The following SLC35G1 variants were observed in gnomAD, a reference collection of about 807,000 sequenced individuals.
SLC35G1 encodes solute carrier family 35 member G1, also known as partner of STIM1.
In SLC35G1, 10 loss-of-function variants were observed where a neutral mutation model predicts 17.1. The observed-to-expected ratio is 0.59, with a 90% CI of 0.36 to 0.99. The LOEUF is 0.99. SLC35G1 is among the 50% of genes least tolerant of loss of function. SLC35G1 has a pLI of 0.01. For synonymous variants in SLC35G1, 185 were observed against 181.1 expected (o/e 1.02, Z -0.18); for missense variants, 433 against 468.4 (o/e 0.92, Z 0.70).
At chr10:93,908,833 G>A (rs1251936270) in exon 3 of SLC35G1, 2 of 152,206 alleles carry the variant, frequency 1.3e-5, no homozygotes, top group Non-Finnish European at 2.9e-5. Context: ...AAGCAGGAAA[G>A]AATGGAGCTA....
Position 93,894,106 on chromosome 10 carries a change from C to G in SLC35G1, c.73C>G (p.Pro25Ala), listed in dbSNP as rs921046525. ...PGLPLTDDAPPGATEEPAAAE... is the reference protein window; with the variant it reads ...PGLPLTDDAPAGATEEPAAAE... ...GCTGCCGCTAACGGACGATGCACCC[C>G]CGGGCGCCACTGAGGAGCCGGCGGC... The change falls in exon 1 of 3, where the codon CCG becomes GCG. Residue 25 changes from proline to alanine, a missense_variant. Pro to Ala is a conservative substitution (Grantham distance 27, BLOSUM62 -1). Coordinates refer to ENST00000427197, the MANE Select transcript of SLC35G1 (RefSeq NM_001134658.3). The G allele has an allele frequency of 4.0e-6, 6 of 1,489,466 alleles. No homozygotes were observed. The South Asian group carries it at 7.5e-5, about 19-fold the overall frequency. The allele number at this position is 1,489,466 out of a possible 1,614,324, so 92.3% of individuals were successfully genotyped here. A position where few individuals can be genotyped will look rare whatever the true frequency, so the allele number is the denominator to read the frequency against.
chr10:93,899,114 T>C (rs911169399), intron 2 of SLC35G1, among the ~76,000 whole-genome samples: 1 of 152,214 alleles, frequency 6.6e-6, no homozygotes, highest in East Asian at 1.9e-4. Context: ...TATCCTAGTA[T>C]CAGAAGTTTT....
At chr10:93,904,755 T>C (rs2060417736), downstream of SLC35G1, among the ~76,000 whole-genome samples, 1 of 152,210 alleles carries the variant, frequency 6.6e-6, no homozygotes, top group Non-Finnish European at 1.5e-5. Flanking sequence ...CCAGTCCCTC[T>C]TGCAAATGAG....
intron 1 of SLC35G1, among the ~76,000 whole-genome samples, chr10:93,897,757 G>C (rs939432853): frequency 6.6e-6 from 1 of 152,172 alleles, no homozygotes; most frequent in African/African-American, 2.4e-5. Flanking sequence ...TGGTTTCCTC[G>C]TTCAGATCGA....
At chr10:93,909,705 T>G (rs886336619) in exon 3 of SLC35G1, 1 of 152,212 alleles carries the variant, frequency 6.6e-6, no homozygotes, top group Non-Finnish European at 1.5e-5. Flanking sequence ...ATCAAATAAC[T>G]ATGTGATTAT....
intron 1 of SLC35G1, 102 bp downstream of exon 1, chr10:93,894,313 C>T (rs2060308481): frequency 8.7e-7 from 1 of 1,143,426 alleles, no homozygotes; most frequent in Admixed American, 4.2e-5. Flanking sequence ...CCCGCCGCGC[C>T]TCCGTCCCCA....
At chr10:93,900,658 T>C in intron 2 of SLC35G1, 94 bp from the exon 3 acceptor site, 1 of 1,028,138 alleles carries the variant, frequency 9.7e-7, no homozygotes, top group Non-Finnish European at 1.4e-6. Flanking sequence ...TTTTTTGATA[T>C]TTAGTACTTT....
At chr10:93,896,072 C>T (rs1237906801) in intron 1 of SLC35G1, among the ~76,000 whole-genome samples, 1 of 151,744 alleles carries the variant, frequency 6.6e-6, no homozygotes. Context: ...CTCACGGCGA[C>T]CTCAACCTCC....
intron 1 of SLC35G1, among the ~76,000 whole-genome samples, chr10:93,896,909 A>G (rs1315526449): frequency 6.6e-6 from 1 of 152,096 alleles, no homozygotes; most frequent in Non-Finnish European, 1.5e-5. Flanking sequence ...TGGAGTTTCT[A>G]TGTAGGGGTT....
At chr10:93,894,251 G>A (rs2060307610) in intron 1 of SLC35G1, 40 bp downstream of exon 1, 3 of 1,304,758 alleles carry the variant, frequency 2.3e-6, no homozygotes, top group Middle Eastern at 2.6e-4. Context: ...TCTCGCTCGG[G>A]GGTCCCGAGC....
At chr10:93,896,588 A>C (rs2060332723) in intron 1 of SLC35G1, among the ~76,000 whole-genome samples, 1 of 152,178 alleles carries the variant, frequency 6.6e-6, no homozygotes, top group African/African-American at 2.4e-5. Flanking sequence ...GGTTTGTCTG[A>C]GTGGAGCCAG....
chr10:93,905,190 C>G (rs571020907), downstream of SLC35G1, among the ~76,000 whole-genome samples: 2 of 152,230 alleles, frequency 1.3e-5, no homozygotes, highest in South Asian at 2.1e-4. Flanking sequence ...TAGCCTCTTA[C>G]GTATTGCACT....
At chr10:93,906,860 A>G (rs2060432287), downstream of SLC35G1, among the ~76,000 whole-genome samples, 1 of 152,148 alleles carries the variant, frequency 6.6e-6, no homozygotes, top group South Asian at 2.1e-4. Context: ...TAAGAATGTT[A>G]TTAGTCTGTT....
At chr10:93,906,707 AT>A (rs1161164391), downstream of SLC35G1, among the ~76,000 whole-genome samples, 1 of 152,328 alleles carries the variant, frequency 6.6e-6, no homozygotes. Flanking sequence ...ATTCACAAAA[AT>A]TAGATATATA....
rs1274775709 is a variant in SLC35G1, at chr10:93,898,752, G to A, written c.359+1G>A. 2 of 1,593,210 alleles carry A rather than the reference G, an allele frequency of 1.3e-6. No homozygotes were observed. The highest frequency in any genetic ancestry group is 1.7e-6 in the Non-Finnish European group (2 of 1,173,856). ...TTATCCCTTGCTTAATATACAGAAA[G>A]TAAGTATTTTTTAACTGCAAAGTAG... On this transcript the variant is annotated splice_donor_variant, in intron 2 of 2. Coordinates refer to ENST00000427197, the MANE Select transcript of SLC35G1 (RefSeq NM_001134658.3). LOFTEE classifies it high-confidence loss of function.
chr10:93,897,183 G>C (rs2060338495), intron 1 of SLC35G1, among the ~76,000 whole-genome samples: 2 of 152,166 alleles, frequency 1.3e-5, no homozygotes. Context: ...TGTGCACCTA[G>C]AACAGGAAGA....
downstream of SLC35G1, among the ~76,000 whole-genome samples, chr10:93,905,656 G>A (rs1236839424): frequency 2.0e-5 from 3 of 152,138 alleles, no homozygotes; most frequent in Non-Finnish European, 4.4e-5. Context: ...ATGTAGCAGA[G>A]ATGCCCAGTA....
intron 1 of SLC35G1, among the ~76,000 whole-genome samples, chr10:93,897,195 G>A (rs1463104112): frequency 6.6e-6 from 1 of 152,190 alleles, no homozygotes; most frequent in Non-Finnish European, 1.5e-5. Flanking sequence ...ACAGGAAGAG[G>A]TAGAGAAGGG....
intron 1 of SLC35G1, among the ~76,000 whole-genome samples, chr10:93,894,852 G>A (rs1488447062): frequency 4.6e-5 from 7 of 152,116 alleles, no homozygotes. Context: ...CCCCTCCTTC[G>A]ACACATGAGC....
Sources: allele counts gnomAD v4.1 joint callset (sites outside exome capture counted in the v4.1 genomes callset), GRCh38; gene constraint gnomAD v4.1.1; transcripts MANE v1.5; gene names NCBI Gene and HGNC (gene_info 2026-07-23, HGNC 2026-07-21).